ADAMTS6: variants seen among roughly 807,000 people sequenced by gnomAD.
The protein encoded by ADAMTS6 is A disintegrin and metalloproteinase with thrombospondin motifs 6.
In ADAMTS6, 23 loss-of-function variants were observed where a neutral mutation model predicts 144.3. The ratio of observed to expected loss-of-function variants is 0.16; its 90% CI spans 0.11 to 0.23. The LOEUF (loss-of-function observed/expected upper bound fraction) is 0.23, where lower values mean the gene tolerates loss of function less well. ADAMTS6 is among the 10% of genes least tolerant of loss of function. ADAMTS6 has a pLI of 1.00. For missense variants in ADAMTS6, 999 were observed against 1,379.6 expected (o/e 0.72, Z 4.37); for synonymous variants, 444 against 457.5 (o/e 0.97, Z 0.38).
At chr5:65,368,971 G>A (rs769045731) in intron 7 of ADAMTS6, among the ~76,000 whole-genome samples, 4 of 152,128 alleles carry the variant, frequency 2.6e-5, no homozygotes, top group African/African-American at 9.7e-5. Context: ...CAGGAGAAGC[G>A]CTTGAACCCA....
intron 7 of ADAMTS6, among the ~76,000 whole-genome samples, chr5:65,352,749 A>C (rs1748981452): frequency 6.6e-6 from 1 of 152,114 alleles, no homozygotes. Flanking sequence ...CATACCTATA[A>C]GTTCTCTTAT....
chr5:65,412,506 T>C (rs1755135508), intron 7 of ADAMTS6, among the ~76,000 whole-genome samples: 1 of 152,108 alleles, frequency 6.6e-6, no homozygotes, highest in South Asian at 2.1e-4. Flanking sequence ...TTTAAGTATT[T>C]CTAAAGCAGT....
chr5:65,395,458 G>T (rs1753261579), intron 7 of ADAMTS6, among the ~76,000 whole-genome samples: 1 of 152,136 alleles, frequency 6.6e-6, no homozygotes, highest in Admixed American at 6.5e-5. Context: ...GAAAAGGAAA[G>T]TTAACATATG....
At chr5:65,297,325 A>T in intron 10 of ADAMTS6, 1 of 445,150 alleles carries the variant, frequency 2.2e-6, no homozygotes, top group South Asian at 1.6e-5. Flanking sequence ...GACACGAGAG[A>T]CTTTGTATTC....
chr5:65,164,344 A>G (rs1753005303), intron 24 of ADAMTS6, among the ~76,000 whole-genome samples: 1 of 152,212 alleles, frequency 6.6e-6, no homozygotes, highest in African/African-American at 2.4e-5. Flanking sequence ...ACGGCGCACC[A>G]GGAGATTATA....
chr5:65,300,807 ATT>A (rs544586131), intron 9 of ADAMTS6, among the ~76,000 whole-genome samples: 308 of 151,780 alleles, frequency 2.0e-3, no homozygotes, highest in African/African-American at 6.3e-3. Flanking sequence ...AATTTTTTGT[ATT>A]TTTAGTAGAG....
At chr5:65,254,209 A>G (rs944257137) in intron 14 of ADAMTS6, among the ~76,000 whole-genome samples, 1 of 152,064 alleles carries the variant, frequency 6.6e-6, no homozygotes, top group Non-Finnish European at 1.5e-5. Context: ...TCCATAGGTT[A>G]TATAATAGAA....
intron 7 of ADAMTS6, among the ~76,000 whole-genome samples, chr5:65,350,581 T>G (rs1019865745): frequency 6.6e-6 from 1 of 152,184 alleles, no homozygotes; most frequent in Non-Finnish European, 1.5e-5. Flanking sequence ...CACAATGTAT[T>G]TTGTTTGCTT....
chr5:65,376,963 T>G (rs1255302937), intron 7 of ADAMTS6, among the ~76,000 whole-genome samples: 1 of 152,164 alleles, frequency 6.6e-6, no homozygotes, highest in East Asian at 1.9e-4. Context: ...AAGTTGTTGA[T>G]TTAACAGTCG....
chr5:65,160,689 G>A (rs372492287), intron 24 of ADAMTS6, among the ~76,000 whole-genome samples: 1 of 112,002 alleles, frequency 8.9e-6, no homozygotes, highest in African/African-American at 3.5e-5. Context: ...TTTTGCTCTT[G>A]TTGCCCAGGC....
At chr5:65,232,453 C>A (rs994998753) in intron 15 of ADAMTS6, among the ~76,000 whole-genome samples, 3 of 151,202 alleles carry the variant, frequency 2.0e-5, no homozygotes, top group Non-Finnish European at 2.9e-5. Context: ...AATTGACATA[C>A]CTTTAGCTAT....
At chr5:65,290,561 AAAAG>A (rs1284055569) in intron 11 of ADAMTS6, among the ~76,000 whole-genome samples, 13 of 152,068 alleles carry the variant, frequency 8.5e-5, no homozygotes, top group Non-Finnish European at 1.6e-4. Flanking sequence ...AAAAAAAAGA[AAAAG>A]AAAAAAAAAT....
At chr5:65,361,649 AAATAGT>A (rs1432722716) in intron 7 of ADAMTS6, among the ~76,000 whole-genome samples, 3 of 152,218 alleles carry the variant, frequency 2.0e-5, no homozygotes, top group African/African-American at 7.2e-5. Context: ...CTGGGCTAGG[AAATAGT>A]AAGTCAATGC....
At chr5:65,227,871 A>C (rs189085707) in intron 15 of ADAMTS6, among the ~76,000 whole-genome samples, 29 of 152,294 alleles carry the variant, frequency 1.9e-4, no homozygotes, top group Non-Finnish European at 1.5e-5. Flanking sequence ...GGGAGGCTAA[A>C]ATATGTATGT....
intron 10 of ADAMTS6, among the ~76,000 whole-genome samples, chr5:65,298,362 G>T (rs1743055985): frequency 6.6e-6 from 1 of 152,116 alleles, no homozygotes; most frequent in Non-Finnish European, 1.5e-5. Flanking sequence ...AAATGCACAG[G>T]AATCTTGAGC....
chr5:65,151,615 A>C lies in ADAMTS6; in HGVS notation c.*221T>G. The stretch of plus-strand genomic sequence containing the variant: ...GTTGTTTGGATCTCTCCAATCTGGC[A>C]TTCCCTCCTAATACCGTGTCCAGCA... On this transcript the variant is annotated 3_prime_UTR_variant, in exon 25 of 25. Coordinates refer to ENST00000381055, the MANE Select transcript of ADAMTS6 (RefSeq NM_197941.4). 1 of 463,734 alleles carries C rather than the reference A, an allele frequency of 2.2e-6. No homozygotes were observed. The allele number at this position is 463,734 out of a possible 1,614,324, so 28.7% of individuals were successfully genotyped here. A position where few individuals can be genotyped will look rare whatever the true frequency, so the allele number is the denominator to read the frequency against.
intron 7 of ADAMTS6, among the ~76,000 whole-genome samples, chr5:65,373,017 T>G (rs1026720290): frequency 2.6e-5 from 4 of 152,174 alleles, no homozygotes; most frequent in African/African-American, 4.8e-5. Context: ...ACTGGGTACG[T>G]AACAAAATGA....
chr5:65,424,224 C>T (rs1045801399), intron 7 of ADAMTS6, among the ~76,000 whole-genome samples: 12 of 152,124 alleles, frequency 7.9e-5, no homozygotes, highest in Non-Finnish European at 1.2e-4. Flanking sequence ...CTTTGAAGTA[C>T]GGATCATGAA....
At chr5:65,201,225 C>T (rs959557951) in intron 20 of ADAMTS6, among the ~76,000 whole-genome samples, 2 of 152,132 alleles carry the variant, frequency 1.3e-5, no homozygotes, top group African/African-American at 4.8e-5. Context: ...AAGTGAGTCC[C>T]AGTCTGAGCA....
Sources: gnomAD v4.1 joint callset for allele counts (sites outside exome capture counted in the v4.1 genomes callset) on GRCh38, gnomAD v4.1.1 for gene constraint, MANE v1.5 for transcripts, NCBI Gene and HGNC (gene_info 2026-07-23, HGNC 2026-07-21) for gene names.